The following PHF24 variants were observed in gnomAD, a reference collection of about 807,000 sequenced individuals.
PHF24 encodes the protein PHD finger protein 24, also known as Galpha inhibitory interacting protein.
PHF24 carries 25 observed loss-of-function variants against 42.6 expected under a neutral mutation model. That is an observed-to-expected ratio of 0.59 (90% CI 0.43 to 0.82). The LOEUF (loss-of-function observed/expected upper bound fraction) is 0.82. Among genes scored for constraint, PHF24 ranks in the 40% least tolerant of loss-of-function variants. The probability of loss-of-function intolerance (pLI) is 0.00; values close to 1 mark genes in which losing one functional copy is unlikely to be tolerated. For synonymous variants in PHF24, 185 were observed against 204.8 expected (o/e 0.90, Z 0.83); for missense variants, 470 against 538.1 (o/e 0.87, Z 1.25).
At chr9:34,948,885 G>A in the PHF24 span, among the ~76,000 whole-genome samples, 2 of 152,150 alleles carry the variant, frequency 1.3e-5, no homozygotes, top group Non-Finnish European at 2.9e-5. Context: ...AAGCTAGACC[G>A]ACTATATTAA....
chr9:34,955,171 G>A (rs905704775), upstream of PHF24, among the ~76,000 whole-genome samples: 4 of 152,242 alleles, frequency 2.6e-5, 1 homozygote, highest in South Asian at 4.1e-4. Flanking sequence ...ACCATACCCA[G>A]CCAGAACAAT....
At chr9:34,850,981 G>A in the PHF24 span, among the ~76,000 whole-genome samples, 9 of 152,214 alleles carry the variant, frequency 5.9e-5, no homozygotes, top group African/African-American at 1.9e-4. Context: ...AGGAGTACCC[G>A]GCCATGTGAG....
At chr9:34,700,898 G>A in the PHF24 span, among the ~76,000 whole-genome samples, 1 of 152,306 alleles carries the variant, frequency 6.6e-6, no homozygotes. Flanking sequence ...GGTGTGTGAA[G>A]TGTTTAAGGC....
the PHF24 span, among the ~76,000 whole-genome samples, chr9:34,897,835 T>C: frequency 6.6e-6 from 1 of 152,178 alleles, no homozygotes; most frequent in Admixed American, 6.5e-5. Flanking sequence ...CTCCCACTCC[T>C]CCCCTCAAGT....
the PHF24 span, among the ~76,000 whole-genome samples, chr9:34,908,842 CTTTTTT>C: frequency 2.3e-3 from 310 of 135,330 alleles, no homozygotes; most frequent in South Asian, 6.4e-3. Context: ...CTTTTCTTTT[CTTTTTT>C]TTTTTTTTTC....
At chr9:34,969,114 A>G (rs1826879924) in intron 1 of PHF24, among the ~76,000 whole-genome samples, 1 of 152,220 alleles carries the variant, frequency 6.6e-6, no homozygotes, top group South Asian at 2.1e-4. Context: ...ACACAGAGTA[A>G]AGAAGGGAGG....
At chr9:34,970,733 A>G (rs1424826308) in intron 1 of PHF24, among the ~76,000 whole-genome samples, 1 of 152,192 alleles carries the variant, frequency 6.6e-6, no homozygotes, top group Non-Finnish European at 1.5e-5. Flanking sequence ...TGAAGTCTCC[A>G]ACCATTTCGA....
chr9:34,905,360 T>C, the PHF24 span, among the ~76,000 whole-genome samples: 1 of 152,192 alleles, frequency 6.6e-6, no homozygotes, highest in Non-Finnish European at 1.5e-5. Context: ...GTTTTTTCCC[T>C]GTTAGCTAAA....
At chr9:34,898,897 C>G in the PHF24 span, among the ~76,000 whole-genome samples, 2 of 152,348 alleles carry the variant, frequency 1.3e-5, no homozygotes, top group Non-Finnish European at 2.9e-5. Context: ...CTACTGAAAA[C>G]TCCACTCCAG....
At chr9:34,820,635 T>C in the PHF24 span, among the ~76,000 whole-genome samples, 1 of 152,200 alleles carries the variant, frequency 6.6e-6, no homozygotes, top group African/African-American at 2.4e-5. Flanking sequence ...CAGTCTATTA[T>C]TGATGGGTAT....
chr9:34,867,502 G>T, the PHF24 span, among the ~76,000 whole-genome samples: 5 of 152,300 alleles, frequency 3.3e-5, no homozygotes, highest in South Asian at 1.0e-3. Context: ...CAGAATGGCT[G>T]AGTAGGAACA....
At chr9:34,874,825 G>A in the PHF24 span, among the ~76,000 whole-genome samples, 1 of 151,942 alleles carries the variant, frequency 6.6e-6, no homozygotes, top group Non-Finnish European at 1.5e-5. Flanking sequence ...TAAAATTTTT[G>A]TGGGTACATA....
the PHF24 span, among the ~76,000 whole-genome samples, chr9:34,694,434 G>A: frequency 5.0e-4 from 76 of 151,940 alleles, no homozygotes; most frequent in African/African-American, 1.6e-3. Flanking sequence ...GGGTTCAAGC[G>A]ATTCTGCTGC....
At chr9:34,937,574 A>G in the PHF24 span, among the ~76,000 whole-genome samples, 3 of 150,856 alleles carry the variant, frequency 2.0e-5, no homozygotes, top group Non-Finnish European at 2.9e-5. Flanking sequence ...TTTATCTGCT[A>G]ACCCTCCCTC....
chr9:34,875,946 ACACACTCTCT>A, the PHF24 span, among the ~76,000 whole-genome samples: 3 of 88,992 alleles, frequency 3.4e-5, no homozygotes, highest in African/African-American at 1.5e-4. Context: ...ACACACACAC[ACACACTCTCT>A]CTCTCTCTCT....
chr9:34,762,908 C>T, the PHF24 span, among the ~76,000 whole-genome samples: 1 of 152,212 alleles, frequency 6.6e-6, no homozygotes, highest in Non-Finnish European at 1.5e-5. Flanking sequence ...TTTCAGCTTT[C>T]TACATATGGC....
chr9:34,889,068 T>G, the PHF24 span: 1 of 398,460 alleles, frequency 2.5e-6, no homozygotes. Flanking sequence ...GGTGGCTCTT[T>G]GCTTAAAGGT....
the PHF24 span, among the ~76,000 whole-genome samples, chr9:34,931,899 C>T: frequency 6.6e-6 from 1 of 152,202 alleles, no homozygotes; most frequent in Admixed American, 6.5e-5. Context: ...GAGGCTAAAT[C>T]CTGAGCCTGT....
chr9:34,889,709 GCCCTGCAAATTTTGA>G, the PHF24 span: 6 of 397,860 alleles, frequency 1.5e-5, no homozygotes, highest in Middle Eastern at 6.3e-4. Flanking sequence ...AGAAAGTGTG[GCCCTGCAAATTTTGA>G]CCCTGCAAAT....
Sources: allele counts gnomAD v4.1 joint callset (sites outside exome capture counted in the v4.1 genomes callset), GRCh38; gene constraint gnomAD v4.1.1; transcripts MANE v1.5; gene names NCBI Gene and HGNC (gene_info 2026-07-23, HGNC 2026-07-21).